The following MAST4 variants were observed in gnomAD, a reference collection of about 807,000 sequenced individuals.
MAST4 encodes the protein microtubule associated serine/threonine kinase family member 4, also known as microtubule-associated serine/threonine-protein kinase 4.
Under a neutral mutation model 162.7 loss-of-function variants are expected in MAST4, and 89 were observed. The ratio of observed to expected loss-of-function variants is 0.55; its 90% CI spans 0.46 to 0.65. The LOEUF (loss-of-function observed/expected upper bound fraction) is 0.65. MAST4 is among the 30% of genes least tolerant of loss of function. The pLI is 0.00. For synonymous variants in MAST4, 1,479 were observed against 1,361.1 expected (o/e 1.09, Z -1.91); for missense variants, 3,153 against 3,374.0 (o/e 0.93, Z 1.62).
intron 3 of MAST4, among the ~76,000 whole-genome samples, chr5:66,896,920 C>T (rs1762719275): frequency 6.6e-6 from 1 of 152,118 alleles, no homozygotes; most frequent in African/African-American, 2.4e-5. Context: ...GATTCTCAGA[C>T]AAGATTAATT....
In MAST4 at chr5:66,753,289, A is replaced by G. The variant is rs566603266; in HGVS notation, c.364-6420A>G. On this transcript the variant is annotated intron_variant, in intron 1 of 28. Transcript: ENST00000403625. Reference sequence around the variant, plus strand: ...ATTCAAAAGCTAGCAGAAGGCAAGAAATAACTAAAATCGAGCAGAACTGAA... The same window carrying G: ...ATTCAAAAGCTAGCAGAAGGCAAGAGATAACTAAAATCGAGCAGAACTGAA... Among the ~76,000 whole-genome samples, 170 of 152,316 alleles carry G rather than the reference A, an allele frequency of 1.1e-3. 1 individual carries two copies. Among genetic ancestry groups the G allele is most frequent in the African/African-American group, 3.9e-3 (164 of 41,552 alleles).
At chr5:66,645,924 G>T (rs1745801801) in intron 1 of MAST4, among the ~76,000 whole-genome samples, 2 of 151,424 alleles carry the variant, frequency 1.3e-5, no homozygotes, top group Admixed American at 1.3e-4. Context: ...TTCCATCTTT[G>T]GTTTTAAAAC....
chr5:66,891,344 C>T (rs1047508847), intron 3 of MAST4, among the ~76,000 whole-genome samples: 2 of 152,174 alleles, frequency 1.3e-5, no homozygotes, highest in African/African-American at 2.4e-5. Context: ...TCCTCCTCCT[C>T]CTCACTGCCT....
Position 66,673,641 on chromosome 5 carries a change from C to T in MAST4, c.363+76623C>T, listed in dbSNP as rs543451328. ...TCCTGAGTAGGTGGGATCACAGGCA[C>T]GTGCTGCCACACCCTGCTAATTTTT... On this transcript the variant is annotated intron_variant, in intron 1 of 28. Transcript: ENST00000403625. Among the ~76,000 whole-genome samples, 511 of 151,148 alleles carry T rather than the reference C, an allele frequency of 3.4e-3. 1 individual carries two copies. Among genetic ancestry groups the T allele is most frequent in the African/African-American group, 0.012 (479 of 41,304 alleles).
At chr5:66,990,215 A>G (rs1365830655) in intron 4 of MAST4, among the ~76,000 whole-genome samples, 2 of 152,206 alleles carry the variant, frequency 1.3e-5, no homozygotes, top group African/African-American at 4.8e-5. Context: ...AAAAATACTA[A>G]CTATCCTAGC....
chr5:66,961,311 A>C (rs1745981772), intron 4 of MAST4, among the ~76,000 whole-genome samples: 1 of 152,250 alleles, frequency 6.6e-6, no homozygotes, highest in Admixed American at 6.5e-5. Context: ...GTCTTAACTC[A>C]CACAGCAAAT....
At chr5:67,109,325 A>G (rs919045304) in intron 10 of MAST4, among the ~76,000 whole-genome samples, 2 of 152,166 alleles carry the variant, frequency 1.3e-5, no homozygotes, top group African/African-American at 4.8e-5. Flanking sequence ...GGAAATTCTC[A>G]TACCTGACCT....
intron 2 of MAST4, among the ~76,000 whole-genome samples, chr5:66,760,186 G>C (rs1298890397): frequency 6.6e-6 from 1 of 151,222 alleles, no homozygotes; most frequent in Admixed American, 6.6e-5. Context: ...CATGATCTCG[G>C]CTCACTGCAA....
chr5:67,111,082 A>G (rs1277885931), intron 11 of MAST4, among the ~76,000 whole-genome samples: 1 of 152,174 alleles, frequency 6.6e-6, no homozygotes, highest in African/African-American at 2.4e-5. Flanking sequence ...TCATTCTCCT[A>G]TTTAAAAGTT....
At chr5:66,785,563 C>T (rs530064851) in intron 2 of MAST4, among the ~76,000 whole-genome samples, 38 of 152,184 alleles carry the variant, frequency 2.5e-4, no homozygotes, top group East Asian at 3.9e-4. Context: ...CTATCCCATA[C>T]GATTGTTAGG....
At chr5:67,128,293 G>T (rs1768507277) in intron 14 of MAST4, among the ~76,000 whole-genome samples, 1 of 152,114 alleles carries the variant, frequency 6.6e-6, no homozygotes, top group Non-Finnish European at 1.5e-5. Context: ...CCAAGGCTTT[G>T]GTCATCCTGA....
chr5:67,008,806 C>T (rs1253495843), intron 4 of MAST4, among the ~76,000 whole-genome samples: 1 of 152,194 alleles, frequency 6.6e-6, no homozygotes, highest in Non-Finnish European at 1.5e-5. Flanking sequence ...TTGCTATGAA[C>T]AGCAGGTACC....
At chr5:66,925,606 G>A (rs1764836609) in intron 4 of MAST4, among the ~76,000 whole-genome samples, 1 of 152,188 alleles carries the variant, frequency 6.6e-6, no homozygotes. Context: ...GATCATGGAA[G>A]ATTTCCCAGA....
intron 4 of MAST4, among the ~76,000 whole-genome samples, chr5:66,984,172 G>A (rs1053492728): frequency 6.6e-6 from 1 of 152,190 alleles, no homozygotes; most frequent in African/African-American, 2.4e-5. Context: ...GTGAGCTGCA[G>A]AGAAGTAAAA....
intron 1 of MAST4, among the ~76,000 whole-genome samples, chr5:66,747,821 C>T (rs941025853): frequency 6.6e-6 from 1 of 152,186 alleles, no homozygotes; most frequent in Admixed American, 6.5e-5. Context: ...CAGTTAGCCT[C>T]CCTGGCCTGT....
intron 1 of MAST4, among the ~76,000 whole-genome samples, chr5:66,615,386 C>T (rs755910686): frequency 5.9e-5 from 9 of 152,082 alleles, no homozygotes; most frequent in South Asian, 2.1e-4. Context: ...CTGATTTTAC[C>T]GGCCTGTGGG....
At chr5:66,689,792 C>G (rs1748922615) in intron 1 of MAST4, among the ~76,000 whole-genome samples, 1 of 152,158 alleles carries the variant, frequency 6.6e-6, no homozygotes, top group Non-Finnish European at 1.5e-5. Flanking sequence ...CGTACAGTGC[C>G]TGGTAGTGTA....
chr5:66,839,182 G>A (rs1758244871), intron 3 of MAST4, among the ~76,000 whole-genome samples: 1 of 152,114 alleles, frequency 6.6e-6, no homozygotes. Context: ...TCAGGAGTTA[G>A]GGATTAGAAA....
intron 1 of MAST4, among the ~76,000 whole-genome samples, chr5:66,656,013 G>A (rs964243925): frequency 6.6e-6 from 1 of 152,198 alleles, no homozygotes; most frequent in African/African-American, 2.4e-5. Context: ...CAGTAGTAGT[G>A]TATAAAAGCT....
Sources: allele counts gnomAD v4.1 joint callset (sites outside exome capture counted in the v4.1 genomes callset), GRCh38; gene constraint gnomAD v4.1.1; transcripts MANE v1.5; gene names NCBI Gene and HGNC (gene_info 2026-07-23, HGNC 2026-07-21).